The following RXRG variants were observed in gnomAD, a reference collection of about 807,000 sequenced individuals.
The protein encoded by RXRG is retinoid X receptor gamma, also known as retinoic acid receptor RXR-gamma.
A neutral mutation model predicts 49.2 loss-of-function variants in RXRG; 19 were observed. The ratio of observed to expected loss-of-function variants is 0.39; its 90% CI spans 0.27 to 0.57. The LOEUF is 0.57. Among genes scored for constraint, RXRG ranks in the 20% least tolerant of loss-of-function variants. RXRG has a pLI of 0.64. For synonymous variants in RXRG, 224 were observed against 216.6 expected (o/e 1.03, Z -0.30); for missense variants, 452 against 592.5 (o/e 0.76, Z 2.46).
intron 1 of RXRG, among the ~76,000 whole-genome samples, chr1:165,441,282 G>A (rs1020881528): frequency 1.3e-5 from 2 of 152,200 alleles, no homozygotes; most frequent in African/African-American, 2.4e-5. Context: ...AGTCCACTGG[G>A]TCTGCAACAA....
In RXRG at chr1:165,401,205, G is replaced by A; in HGVS notation, c.*58C>T. 1.9e-6 allele frequency: 3 copies of A among 1,556,176 alleles called. No individual in the cohort carries two copies. The highest frequency in any genetic ancestry group is 2.6e-6 in the Non-Finnish European group (3 of 1,133,502). On this transcript the variant is annotated 3_prime_UTR_variant, in exon 10 of 10. Transcript: ENST00000359842. ...GAGGTGGAGGAAAGTGCAGGGTGGG[G>A]GTCCACACACACCTGCCCAGGGGTC... is the stretch of plus-strand genomic sequence containing the variant.
intron 9 of RXRG, among the ~76,000 whole-genome samples, chr1:165,404,241 G>A (rs2101701301): frequency 6.6e-6 from 1 of 152,294 alleles, no homozygotes; most frequent in South Asian, 2.1e-4. Flanking sequence ...ACTTGATCAG[G>A]GCAGTCAGCC....
chr1:165,419,790 T>C, intron 3 of RXRG, 80 bp downstream of exon 3: 16 of 1,290,396 alleles, frequency 1.2e-5, no homozygotes, highest in Non-Finnish European at 1.6e-5. Flanking sequence ...TTCCTTTCAT[T>C]GAGTACAAAG....
At chr1:165,431,876 T>C (rs1658683324) in intron 1 of RXRG, among the ~76,000 whole-genome samples, 1 of 152,226 alleles carries the variant, frequency 6.6e-6, no homozygotes, top group Non-Finnish European at 1.5e-5. Flanking sequence ...TTCTGTTTCC[T>C]TTTGTTTATA....
chr1:165,428,652 T>C, intron 2 of RXRG, 67 bp downstream of exon 2: 1 of 1,521,814 alleles, frequency 6.6e-7, no homozygotes, highest in Non-Finnish European at 8.8e-7. Flanking sequence ...CTGGTTCTGC[T>C]CCAGGAGCAG....
intron 1 of RXRG, among the ~76,000 whole-genome samples, chr1:165,442,226 G>A (rs1248115845): frequency 6.6e-6 from 1 of 152,220 alleles, no homozygotes; most frequent in Non-Finnish European, 1.5e-5. Context: ...GCCTGCTTGT[G>A]AGTCCTCTGT....
In RXRG at chr1:165,426,941, G is replaced by A. The variant is rs887085945; in HGVS notation, c.297+1778C>T. On this transcript the variant is annotated intron_variant, in intron 2 of 9. Transcript: ENST00000359842. ...GTTCAGAGACAGGAAAAAAAATGAC[G>A]TCACAGTTCAAAGGTCATCAGACAG... 1.5e-4 allele frequency among the ~76,000 whole-genome samples: 23 copies of A among 152,184 alleles called. No individual in the cohort carries two copies. The East Asian group carries it at 1.5e-3, about 10-fold the overall frequency.
chr1:165,422,495 C>T (rs976065702), intron 2 of RXRG, among the ~76,000 whole-genome samples: 10 of 151,896 alleles, frequency 6.6e-5, no homozygotes, highest in South Asian at 2.1e-4. Flanking sequence ...TGAGCTGGGA[C>T]GACAGCCTTC....
At chr1:165,406,121 G>A (rs1013385208) in intron 9 of RXRG, among the ~76,000 whole-genome samples, 1 of 152,150 alleles carries the variant, frequency 6.6e-6, no homozygotes, top group African/African-American at 2.4e-5. Context: ...TGGCTTAGCT[G>A]TACTTTGGAA....
chr1:165,425,042 G>A, intron 2 of RXRG: 1 of 791,082 alleles, frequency 1.3e-6, no homozygotes, highest in Non-Finnish European at 1.5e-6. Flanking sequence ...ACTTGGCCTT[G>A]GCCTCTGCAC....
At chr1:165,409,796 G>C in intron 6 of RXRG, 106 bp from the exon 7 acceptor site, 1 of 1,064,642 alleles carries the variant, frequency 9.4e-7, no homozygotes, top group African/African-American at 1.6e-5. Flanking sequence ...AAGCAGAATT[G>C]ACAATCTAGG....
chr1:165,425,586 C>T (rs978316632), intron 2 of RXRG, among the ~76,000 whole-genome samples: 7 of 152,276 alleles, frequency 4.6e-5, no homozygotes, highest in Middle Eastern at 3.4e-3. Context: ...ACTCTGTTCA[C>T]AGGAAAGAAA....
At chr1:165,423,447 A>G (rs1345753301) in intron 2 of RXRG, among the ~76,000 whole-genome samples, 1 of 152,210 alleles carries the variant, frequency 6.6e-6, no homozygotes, top group Non-Finnish European at 1.5e-5. Flanking sequence ...CCATCCTTGA[A>G]CATTGAGTCC....
At chr1:165,417,565 A>G (rs1464543682) in intron 3 of RXRG, among the ~76,000 whole-genome samples, 1 of 152,236 alleles carries the variant, frequency 6.6e-6, no homozygotes, top group Non-Finnish European at 1.5e-5. Flanking sequence ...AGTGTAAATA[A>G]TAAATAAAAA....
intron 1 of RXRG, among the ~76,000 whole-genome samples, chr1:165,442,102 A>G (rs1340169388): frequency 6.6e-6 from 1 of 152,246 alleles, no homozygotes; most frequent in Non-Finnish European, 1.5e-5. Flanking sequence ...AATATGTAAC[A>G]GGGCAGGGGG....
chr1:165,444,139 A>C (rs1659085835), intron 1 of RXRG, among the ~76,000 whole-genome samples: 1 of 152,126 alleles, frequency 6.6e-6, no homozygotes, highest in Non-Finnish European at 1.5e-5. Context: ...GGTGACTTGA[A>C]TCTTCAGTTT....
chr1:165,439,167 T>C (rs931809111), intron 1 of RXRG, among the ~76,000 whole-genome samples: 9 of 151,096 alleles, frequency 6.0e-5, no homozygotes, highest in Non-Finnish European at 1.0e-4. Context: ...TGAGTGAGGT[T>C]TTGCTATAAT....
chr1:165,428,289 T>C (rs928087568), intron 2 of RXRG, among the ~76,000 whole-genome samples: 3 of 152,236 alleles, frequency 2.0e-5, no homozygotes, highest in African/African-American at 7.2e-5. Flanking sequence ...TACCTGCCTA[T>C]TTCTCCTCTC....
chr1:165,431,904 C>T (rs1444571416), intron 1 of RXRG, among the ~76,000 whole-genome samples: 1 of 152,152 alleles, frequency 6.6e-6, no homozygotes, highest in African/African-American at 2.4e-5. Context: ...ACTGAGCTCT[C>T]ATTTCTTGTT....
Sources: allele counts gnomAD v4.1 joint callset (sites outside exome capture counted in the v4.1 genomes callset), GRCh38; gene constraint gnomAD v4.1.1; transcripts MANE v1.5; gene names NCBI Gene and HGNC (gene_info 2026-07-23, HGNC 2026-07-21).